Variants in CNTN4 observed in about 807,000 individuals in gnomAD.
CNTN4 encodes the protein contactin 4.
Under a neutral mutation model 122.5 loss-of-function variants are expected in CNTN4, and 77 were observed. The ratio of observed to expected loss-of-function variants is 0.63; its 90% CI spans 0.52 to 0.76. The LOEUF (loss-of-function observed/expected upper bound fraction) is 0.76, where lower values mean the gene tolerates loss of function less well. Among genes scored for constraint, CNTN4 ranks in the 30% least tolerant of loss-of-function variants. The pLI, the probability that CNTN4 is intolerant of heterozygous loss-of-function variation, is 0.00. For missense variants in CNTN4, 1,256 were observed against 1,259.1 expected (o/e 1.00, Z 0.04); for synonymous variants, 512 against 447.0 (o/e 1.15, Z -1.83).
At chr3:2,802,866 GA>G (rs56221027) in intron 6 of CNTN4, among the ~76,000 whole-genome samples, 46,701 of 151,068 alleles carry the variant, frequency 0.31, 7,508 homozygotes, top group Non-Finnish European at 0.36. Context: ...AATACTTTTA[GA>G]AAAAAAAATG....
At chr3:2,209,694 G>A (rs1416763457) in intron 2 of CNTN4, among the ~76,000 whole-genome samples, 4 of 152,042 alleles carry the variant, frequency 2.6e-5, no homozygotes, top group Admixed American at 6.6e-5. Context: ...AGGGTCCAAC[G>A]CTTGATTTTG....
intron 4 of CNTN4, among the ~76,000 whole-genome samples, chr3:2,672,625 A>C (rs1252248928): frequency 6.6e-6 from 1 of 152,160 alleles, no homozygotes. Context: ...ACTGTCTGAC[A>C]ATCCCCAGTG....
chr3:2,803,032 A>G (rs1303578357), intron 6 of CNTN4, among the ~76,000 whole-genome samples: 4 of 152,234 alleles, frequency 2.6e-5, no homozygotes, highest in Non-Finnish European at 4.4e-5. Flanking sequence ...GTAGGAAAAG[A>G]TATTTGTAAA....
chr3:2,902,489 A>G (rs2094185627), intron 11 of CNTN4, among the ~76,000 whole-genome samples: 1 of 152,212 alleles, frequency 6.6e-6, no homozygotes. Flanking sequence ...TGAGTGTTTT[A>G]AGCACTCTAA....
chr3:2,581,634 TCTCTTGTA>T (rs1379234709), intron 4 of CNTN4, among the ~76,000 whole-genome samples: 1 of 152,200 alleles, frequency 6.6e-6, no homozygotes, highest in Non-Finnish European at 1.5e-5. Flanking sequence ...CAGTTTTTTT[TCTCTTGTA>T]AAGTTTTTCC....
At chr3:2,336,519 A>C (rs2043961446) in intron 2 of CNTN4, among the ~76,000 whole-genome samples, 1 of 152,148 alleles carries the variant, frequency 6.6e-6, no homozygotes, top group Non-Finnish European at 1.5e-5. Flanking sequence ...ACAGGCACAA[A>C]GCCAGGACTT....
intron 23 of CNTN4, among the ~76,000 whole-genome samples, chr3:3,048,524 G>T (rs1487071319): frequency 6.7e-6 from 1 of 150,320 alleles, no homozygotes; most frequent in African/African-American, 2.4e-5. Context: ...CTCTGTGTGT[G>T]TGTGTGTGTG....
chr3:3,036,163 C>T (rs1053966130), intron 17 of CNTN4, among the ~76,000 whole-genome samples: 1 of 152,130 alleles, frequency 6.6e-6, no homozygotes, highest in African/African-American at 2.4e-5. Flanking sequence ...ATACACACTC[C>T]TCTAGACAGC....
intron 9 of CNTN4, among the ~76,000 whole-genome samples, chr3:2,885,036 G>C (rs541411334): frequency 1.3e-5 from 2 of 152,150 alleles, no homozygotes; most frequent in Admixed American, 6.6e-5. Context: ...TCTGCATTTT[G>C]AGTTAGTGTC....
Position 2,757,592 on chromosome 3 carries a change from C to T in CNTN4, c.358+11895C>T, listed in dbSNP as rs528166414. Among the ~76,000 whole-genome samples, 16 of 152,324 alleles carry T rather than the reference C, an allele frequency of 1.1e-4. No individual in the cohort carries two copies. In the South Asian group the frequency reaches 3.3e-3, roughly 32 times the overall value. On this transcript the variant is annotated intron_variant, in intron 6 of 24. Transcript: ENST00000418658. ...AAGTCCCTGTGCTAGTGAGGGCCAG[C>T]TTCCGTCCTCTTCGCAGTCAGCACC...
intron 18 of CNTN4, 114 bp from the exon 19 acceptor site, chr3:3,038,819 A>G: frequency 1.3e-6 from 1 of 781,540 alleles, no homozygotes; most frequent in East Asian, 2.5e-5. Flanking sequence ...TCCAGAGACA[A>G]AGGGGCGTGC....
intron 3 of CNTN4, among the ~76,000 whole-genome samples, chr3:2,527,436 T>TGCTGCTGCTGC (rs34375682): frequency 7.2e-4 from 108 of 150,398 alleles, no homozygotes; most frequent in Middle Eastern, 6.8e-3. Flanking sequence ...GCTGCTGCTG[T>TGCTGCTGCTGC]TGCTGTTATT....
At chr3:2,415,933 T>A (rs1250784780) in intron 3 of CNTN4, among the ~76,000 whole-genome samples, 1 of 152,186 alleles carries the variant, frequency 6.6e-6, no homozygotes, top group Non-Finnish European at 1.5e-5. Context: ...TACATTTGTT[T>A]TACTGTGCTC....
At position 3,056,316 on chromosome 3, in the gene CNTN4, T is replaced by C. The variant is rs568844385; in HGVS notation, c.*96T>C. 4 of 886,876 alleles carry C rather than the reference T, an allele frequency of 4.5e-6. No individual in the cohort carries two copies. In the African/African-American group the frequency reaches 4.9e-5, roughly 11 times the overall value. 54.9% of individuals were successfully genotyped at this position (886,876 alleles called of 1,614,324 possible). On this transcript the variant is annotated 3_prime_UTR_variant, in exon 25 of 25. Transcript: ENST00000418658. ...GTACTAAGTAATATTGTTGTTCAAG[T>C]ACATCTTATTACTGGAATAAAAATG...
intron 13 of CNTN4, among the ~76,000 whole-genome samples, chr3:2,986,703 A>G (rs557270870): frequency 6.6e-6 from 1 of 152,356 alleles, no homozygotes; most frequent in African/African-American, 2.4e-5. Flanking sequence ...TGTTAAGTAT[A>G]GCACTAGTGC....
At chr3:2,888,469 G>T (rs2094002396) in intron 10 of CNTN4, among the ~76,000 whole-genome samples, 1 of 152,020 alleles carries the variant, frequency 6.6e-6, no homozygotes. Context: ...GGGAGGATGT[G>T]CCGTGAGGGG....
intron 2 of CNTN4, among the ~76,000 whole-genome samples, chr3:2,120,398 TATATA>T (rs1468422597): frequency 2.2e-4 from 7 of 32,068 alleles, no homozygotes; most frequent in Admixed American, 5.4e-4. Flanking sequence ...TATATATATA[TATATA>T]TATTTTTTTT....
At chr3:2,303,328 T>C (rs906379740) in intron 2 of CNTN4, among the ~76,000 whole-genome samples, 3 of 152,130 alleles carry the variant, frequency 2.0e-5, no homozygotes, top group Non-Finnish European at 4.4e-5. Flanking sequence ...TAGAATGTTT[T>C]TATCACCCCT....
At chr3:2,675,058 T>G (rs1326064957) in intron 4 of CNTN4, among the ~76,000 whole-genome samples, 1 of 151,718 alleles carries the variant, frequency 6.6e-6, no homozygotes, top group Admixed American at 6.6e-5. Flanking sequence ...AATGGAATTA[T>G]GTGAAGTAAA....
Sources: gnomAD v4.1 joint callset for allele counts (sites outside exome capture counted in the v4.1 genomes callset) on GRCh38, gnomAD v4.1.1 for gene constraint, MANE v1.5 for transcripts, NCBI Gene and HGNC (gene_info 2026-07-23, HGNC 2026-07-21) for gene names.